SPATA18: variants seen among roughly 807,000 people sequenced by gnomAD.
SPATA18 encodes the protein mitochondria-eating protein.
SPATA18 carries 54 observed loss-of-function variants against 68.1 expected under a neutral mutation model. That is an observed-to-expected ratio of 0.79 (90% CI 0.64 to 0.99). The LOEUF (loss-of-function observed/expected upper bound fraction) is 0.99. Among genes scored for constraint, SPATA18 ranks in the 50% least tolerant of loss-of-function variants. The pLI is 0.00. For synonymous variants in SPATA18, 242 were observed against 244.8 expected, an observed-to-expected ratio of 0.99 and a Z score of 0.11; for missense variants, 724 against 681.1, an observed-to-expected ratio of 1.06 and a Z score of -0.70.
chr4:52,070,929 T>C lies in SPATA18; in HGVS notation c.519-988T>C, dbSNP rs370170810. 2.6e-5 allele frequency among the ~76,000 whole-genome samples: 4 copies of C among 151,826 alleles called. No individual in the cohort carries two copies. The East Asian group carries it at 5.8e-4, about 22-fold the overall frequency. ...ACACACACATACACACCCCTTTTGA[T>C]TATCTTCGCATGTGTTCCAATGGTT... is the stretch of plus-strand genomic sequence containing the variant. On this transcript the variant is annotated intron_variant, in intron 5 of 12. Coordinates refer to ENST00000295213, the MANE Select transcript of SPATA18 (RefSeq NM_145263.4).
Position 52,070,322 on chromosome 4 carries a change from T to C in SPATA18, c.518+406T>C, listed in dbSNP as rs546126932. 9.8e-5 allele frequency among the ~76,000 whole-genome samples: 15 copies of C among 152,316 alleles called. No homozygotes were observed. In the South Asian group the frequency reaches 3.1e-3, roughly 32 times the overall value. ...AAGTTAGTTTTAAATAGGTTCATTA[T>C]GTTCCATCATTTGGGGATTTCCCTC... On this transcript the variant is annotated intron_variant, in intron 5 of 12. Coordinates refer to ENST00000295213, the MANE Select transcript of SPATA18 (RefSeq NM_145263.4).
At chr4:52,079,111 A>G (rs765232630) in intron 8 of SPATA18, among the ~76,000 whole-genome samples, 1 of 152,232 alleles carries the variant, frequency 6.6e-6, no homozygotes, top group Non-Finnish European at 1.5e-5. Flanking sequence ...TTCTTTAGAT[A>G]GGCTGTTATG....
chr4:52,087,852 A>G (rs1026850824), intron 11 of SPATA18, among the ~76,000 whole-genome samples: 2 of 152,198 alleles, frequency 1.3e-5, no homozygotes, highest in African/African-American at 4.8e-5. Context: ...TCTATAAATT[A>G]CTTTGGACAG....
At chr4:52,083,407 A>G in intron 10 of SPATA18, 1 of 985,414 alleles carries the variant, frequency 1.0e-6, no homozygotes, top group Non-Finnish European at 1.2e-6. Context: ...TTTGTAGCTT[A>G]AAAATCCCAT....
chr4:52,068,965 G>A (rs1739564943), intron 4 of SPATA18, among the ~76,000 whole-genome samples: 2 of 152,074 alleles, frequency 1.3e-5, no homozygotes, highest in South Asian at 4.1e-4. Flanking sequence ...CTAGTCTGAA[G>A]AGATTCTCCC....
intron 1 of SPATA18, 139 bp from the exon 2 acceptor site, chr4:52,060,280 T>A (rs1738711013): frequency 1.6e-6 from 1 of 619,510 alleles, no homozygotes; most frequent in East Asian, 2.8e-5. Flanking sequence ...GGAGATAGGT[T>A]TTGGTGACTA....
chr4:52,073,011 C>T (rs1416191172), intron 6 of SPATA18, among the ~76,000 whole-genome samples: 2 of 152,092 alleles, frequency 1.3e-5, no homozygotes, highest in Non-Finnish European at 2.9e-5. Flanking sequence ...TCTGCATTTC[C>T]CTTATTCTTT....
In SPATA18 at chr4:52,060,920, C is replaced by T. The variant is rs936393554; in HGVS notation, c.309+23C>T. ...CAGGTAGGGATGCTGAAGGATAACCCTTGACTTTCTGAACAGTGAGATAAA... is the reference window on the plus strand; with the variant it reads ...CAGGTAGGGATGCTGAAGGATAACCTTTGACTTTCTGAACAGTGAGATAAA... On this transcript the variant is annotated intron_variant, in intron 3 of 12. Coordinates refer to ENST00000295213, the MANE Select transcript of SPATA18 (RefSeq NM_145263.4). 3.2e-6 allele frequency: 5 copies of T among 1,581,550 alleles called. No individual in the cohort carries two copies. In the African/African-American group the frequency reaches 4.0e-5, roughly 13 times the overall value.
intron 4 of SPATA18, among the ~76,000 whole-genome samples, chr4:52,067,902 G>A (rs1282542320): frequency 1.3e-5 from 2 of 152,210 alleles, no homozygotes; most frequent in Non-Finnish European, 2.9e-5. Flanking sequence ...CTGGCTCATA[G>A]TAAGTCCTCA....
chr4:52,070,539 TAG>T (rs1560592292), intron 5 of SPATA18, among the ~76,000 whole-genome samples: 1 of 81,156 alleles, frequency 1.2e-5, no homozygotes, highest in Non-Finnish European at 2.3e-5. Flanking sequence ...TGTTGTGGGG[TAG>T]GGGGAGGGGG....
intron 9 of SPATA18, 107 bp from the exon 10 acceptor site, chr4:52,082,269 GACCTATATTTA>G: frequency 1.1e-6 from 1 of 926,080 alleles, no homozygotes; most frequent in East Asian, 2.4e-5. Flanking sequence ...AACAGAATTT[GACCTATATTTA>G]CTCAGATCTG....
chr4:52,085,465 G>GT (rs902750425), intron 11 of SPATA18, among the ~76,000 whole-genome samples: 4 of 151,990 alleles, frequency 2.6e-5, no homozygotes, highest in African/African-American at 4.8e-5. Flanking sequence ...AAAAAATAAG[G>GT]TTTTTTTGTG....
intron 11 of SPATA18, among the ~76,000 whole-genome samples, chr4:52,087,180 T>C (rs1401260398): frequency 6.6e-6 from 1 of 152,242 alleles, no homozygotes; most frequent in Non-Finnish European, 1.5e-5. Context: ...CTTTGTCAGA[T>C]GGAGAGACTG....
intron 7 of SPATA18, 141 bp downstream of exon 7, chr4:52,077,181 TTCCTTCTCTTTCTTCC>T: frequency 3.4e-6 from 3 of 884,960 alleles, no homozygotes; most frequent in Non-Finnish European, 5.0e-6. Context: ...ATCTGTCTCC[TTCCTTCTCTTTCTTCC>T]TCCTTCCCTT....
At chr4:52,093,217 C>A (rs1040733872) in intron 11 of SPATA18, among the ~76,000 whole-genome samples, 4 of 151,922 alleles carry the variant, frequency 2.6e-5, no homozygotes, top group African/African-American at 9.7e-5. Context: ...GTCAACAAAC[C>A]AATACATCTA....
rs904180386 is a variant in SPATA18 at position 52,078,620 on chromosome 4, T to G, written c.1021-115T>G. The stretch of plus-strand genomic sequence containing the variant: ...TAAAAATGTTTTTGATCAACTGTGT[T>G]TAGTTATCAGAAGACCAATATGATG... On this transcript the variant is annotated intron_variant, in intron 7 of 12. Transcript: ENST00000295213. 15 of 902,678 alleles carry G rather than the reference T, an allele frequency of 1.7e-5. No individual in the cohort carries two copies. The African/African-American group carries it at 2.5e-4, about 15-fold the overall frequency. 55.9% of individuals were successfully genotyped at this position (902,678 alleles called of 1,614,324 possible).
In SPATA18 at chr4:52,060,793, G is replaced by T. The variant is rs759174259; in HGVS notation, c.205G>T (p.Asp69Tyr). 3 of 1,613,930 alleles carry T rather than the reference G, an allele frequency of 1.9e-6. No individual in the cohort carries two copies. In the Admixed American group the frequency reaches 5.0e-5, roughly 27 times the overall value. The part of the protein sequence containing the change: ...TAAAQEGGRN[D>Y]GVETIKSRLL... ...ATTTAACATTTTAGGAGGACGTAAT[G>T]ATGGTGTGGAAACAATCAAGTCACG... Residue 69 changes from aspartate (D) to tyrosine (Y), a missense_variant, in exon 3 of 13, where the codon GAT becomes TAT. Transcript: ENST00000295213.
chr4:52,081,363 G>A (rs754405132), intron 9 of SPATA18, among the ~76,000 whole-genome samples: 6 of 152,158 alleles, frequency 3.9e-5, no homozygotes, highest in Admixed American at 2.6e-4. Context: ...ACAGAACAAG[G>A]CTAACCCTTT....
At chr4:52,058,502 T>C (rs1738545278) in intron 1 of SPATA18, among the ~76,000 whole-genome samples, 1 of 152,216 alleles carries the variant, frequency 6.6e-6, no homozygotes, top group African/African-American at 2.4e-5. Flanking sequence ...AACCTCTAAA[T>C]GTCCTTCTGT....
Sources: gnomAD v4.1 joint callset for allele counts (sites outside exome capture counted in the v4.1 genomes callset) on GRCh38, gnomAD v4.1.1 for gene constraint, MANE v1.5 for transcripts, NCBI Gene and HGNC (gene_info 2026-07-23, HGNC 2026-07-21) for gene names.